The following GDPD5 variants were observed in gnomAD, a reference collection of about 807,000 sequenced individuals.
The protein encoded by GDPD5 is glycerophosphodiester phosphodiesterase 2.
GDPD5 carries 48 observed loss-of-function variants against 75.1 expected under a neutral mutation model. The ratio of observed to expected loss-of-function variants is 0.64; its 90% CI spans 0.51 to 0.81. GDPD5 has a LOEUF of 0.81. Ranked by LOEUF, GDPD5 falls within the 40% of genes least tolerant of loss-of-function variation. GDPD5 has a pLI of 0.00. For synonymous variants in GDPD5, 336 were observed against 339.0 expected (o/e 0.99, Z 0.10); for missense variants, 706 against 822.6 (o/e 0.86, Z 1.73).
intron 9 of GDPD5, among the ~76,000 whole-genome samples, chr11:75,447,729 C>T (rs1005354612): frequency 6.6e-6 from 1 of 152,278 alleles, no homozygotes; most frequent in African/African-American, 2.4e-5. Flanking sequence ...GTCATGGAGA[C>T]AGGAGGGGCC....
chr11:75,445,586 C>T (rs575414335), intron 9 of GDPD5, among the ~76,000 whole-genome samples: 1 of 152,210 alleles, frequency 6.6e-6, no homozygotes, highest in Non-Finnish European at 1.5e-5. Context: ...AGGACACCCC[C>T]GATCCCCCTG....
chr11:75,482,252 C>G lies in GDPD5; in HGVS notation c.-60-4457G>C, dbSNP rs1045915836. Among the ~76,000 whole-genome samples the G allele has an allele frequency of 3.3e-5, 5 of 152,150 alleles. No homozygotes were observed. The East Asian group carries it at 9.6e-4, about 29-fold the overall frequency. On this transcript the variant is annotated intron_variant, in intron 2 of 16. Coordinates refer to ENST00000336898, the MANE Select transcript of GDPD5 (RefSeq NM_030792.8). Reference sequence around the variant, plus strand: ...CTTCGCTGATACTGGCTCTCAGAGTCTCCTCTCCCCCTGGTGCATTTTTGT... The same window carrying G: ...CTTCGCTGATACTGGCTCTCAGAGTGTCCTCTCCCCCTGGTGCATTTTTGT...
chr11:75,500,916 G>A (rs536019856), intron 1 of GDPD5, among the ~76,000 whole-genome samples: 1 of 152,078 alleles, frequency 6.6e-6, no homozygotes, highest in Non-Finnish European at 1.5e-5. Context: ...CCTCCTGTAG[G>A]AAGCCCTCCC....
At chr11:75,451,002 G>C (rs1444956715) in intron 6 of GDPD5, 1 of 152,402 alleles carries the variant, frequency 6.6e-6, no homozygotes, top group African/African-American at 2.4e-5. Flanking sequence ...AGCCGTTCTA[G>C]CTGCTGGCAG....
At chr11:75,481,333 C>T (rs2135385377) in intron 2 of GDPD5, among the ~76,000 whole-genome samples, 1 of 152,338 alleles carries the variant, frequency 6.6e-6, no homozygotes, top group East Asian at 1.9e-4. Context: ...GCTGACTTCA[C>T]CTCAGTGCGG....
chr11:75,499,900 C>T (rs542076114), intron 1 of GDPD5, among the ~76,000 whole-genome samples: 7 of 152,346 alleles, frequency 4.6e-5, no homozygotes, highest in African/African-American at 7.2e-5. Flanking sequence ...AACTCCTGAC[C>T]TGAACCTGGT....
chr11:75,442,712 G>A, intron 11 of GDPD5, 131 bp from the exon 12 acceptor site: 1 of 758,124 alleles, frequency 1.3e-6, no homozygotes, highest in Non-Finnish European at 2.1e-6. Context: ...ATTGATGGCT[G>A]TGGCCATGTG....
At chr11:75,499,978 G>C (rs567221527) in intron 1 of GDPD5, among the ~76,000 whole-genome samples, 82 of 152,300 alleles carry the variant, frequency 5.4e-4, no homozygotes, top group African/African-American at 1.9e-3. Flanking sequence ...CAGGGTGGCT[G>C]CTACCACCAT....
intron 1 of GDPD5, among the ~76,000 whole-genome samples, chr11:75,518,652 C>A (rs1950693056): frequency 6.6e-6 from 1 of 152,170 alleles, no homozygotes; most frequent in African/African-American, 2.4e-5. Context: ...GATTTATTAC[C>A]CTGACCCCAT....
Position 75,496,211 on chromosome 11 carries a change from C to T in GDPD5, c.-144-5891G>A, listed in dbSNP as rs1299726392. On this transcript the variant is annotated intron_variant, in intron 1 of 16. Coordinates refer to ENST00000336898, the MANE Select transcript of GDPD5 (RefSeq NM_030792.8). ...AGCCTCTGCTGCGCCAGGCTAGAAG[C>T]CCCCCGCCATCCAGCTGGGCAGTGG... Among the ~76,000 whole-genome samples the T allele has an allele frequency of 4.6e-5, 7 of 152,308 alleles. No homozygotes were observed. The East Asian group carries it at 1.4e-3, about 29-fold the overall frequency.
At chr11:75,515,937 T>C (rs1317067329) in intron 1 of GDPD5, 1 of 152,178 alleles carries the variant, frequency 6.6e-6, no homozygotes, top group Non-Finnish European at 1.5e-5. Flanking sequence ...AGCCCCTTCA[T>C]TAAGGGGTAT....
intron 3 of GDPD5, among the ~76,000 whole-genome samples, chr11:75,466,118 G>C (rs1313570320): frequency 6.6e-6 from 1 of 152,250 alleles, no homozygotes; most frequent in Non-Finnish European, 1.5e-5. Flanking sequence ...TGGGGGTGAG[G>C]CATCCAGGCA....
Position 75,441,642 on chromosome 11 carries a change from G to A in GDPD5, c.1325+4C>T, listed in dbSNP as rs757863352. 6.4e-7 allele frequency: 1 copy of A among 1,566,010 alleles called. No homozygotes were observed. Among genetic ancestry groups the A allele is most frequent in the Non-Finnish European group, 8.6e-7 (1 of 1,157,520 alleles). ...CCTGGAGGAGCCCAGGGCAGGGCAG[G>A]CACCTGAGCTCCTGGCGGGACACCT... is the stretch of plus-strand genomic sequence containing the variant. On this transcript the variant is annotated splice_donor_region_variant and intron_variant, in intron 13 of 16. Transcript: ENST00000336898.
intron 3 of GDPD5, among the ~76,000 whole-genome samples, chr11:75,466,130 G>A (rs1420058550): frequency 3.0e-4 from 45 of 152,238 alleles, no homozygotes; most frequent in Admixed American, 2.9e-3. Context: ...ATCCAGGCAT[G>A]GAAGGAATGC....
chr11:75,466,115 G>A (rs1420996820), intron 3 of GDPD5, among the ~76,000 whole-genome samples: 6 of 152,218 alleles, frequency 3.9e-5, no homozygotes, highest in Non-Finnish European at 8.8e-5. Flanking sequence ...GGTTGGGGGT[G>A]AGGCATCCAG....
At position 75,449,404 on chromosome 11, in the gene GDPD5, G is replaced by A. The variant is rs1592073123; in HGVS notation, c.568+113C>T. Reference sequence around the variant, plus strand: ...CCAGAATCCCCCTCACTGAGTGCAGGGGCCCCACCCCATCCCCAGGCCACC... The same window carrying A: ...CCAGAATCCCCCTCACTGAGTGCAGAGGCCCCACCCCATCCCCAGGCCACC... On this transcript the variant is annotated intron_variant, in intron 8 of 16. Transcript: ENST00000336898. 2.5e-5 allele frequency: 28 copies of A among 1,117,710 alleles called. No homozygotes were observed. The East Asian group carries it at 7.2e-4, about 29-fold the overall frequency. The allele number at this position is 1,117,710 out of a possible 1,614,324, so 69.2% of individuals were successfully genotyped here. A position where few individuals can be genotyped will look rare whatever the true frequency, so the allele number is the denominator to read the frequency against.
chr11:75,436,496 G>A (rs555010414), intron 16 of GDPD5, among the ~76,000 whole-genome samples: 69 of 102,790 alleles, frequency 6.7e-4, no homozygotes, highest in Middle Eastern at 6.2e-3. Context: ...CACTCCCATC[G>A]CAGGAACTCG....
At chr11:75,512,802 C>T (rs949972698) in intron 1 of GDPD5, among the ~76,000 whole-genome samples, 7 of 152,066 alleles carry the variant, frequency 4.6e-5, no homozygotes, top group African/African-American at 1.7e-4. Context: ...GTAATCCCAG[C>T]TATGTGGGAG....
chr11:75,495,265 TCACACA>T (rs34243107), intron 1 of GDPD5, among the ~76,000 whole-genome samples: 3 of 147,044 alleles, frequency 2.0e-5, no homozygotes, highest in Non-Finnish European at 3.0e-5. Flanking sequence ...TGTCACTCTG[TCACACA>T]CACACACACA....
Sources: gnomAD v4.1 joint callset for allele counts (sites outside exome capture counted in the v4.1 genomes callset) on GRCh38, gnomAD v4.1.1 for gene constraint, MANE v1.5 for transcripts, NCBI Gene and HGNC (gene_info 2026-07-23, HGNC 2026-07-21) for gene names.